Variants in EYS observed in about 807,000 individuals in gnomAD.
EYS encodes EGF-like photoreceptor maintenance factor.
EYS carries 250 observed loss-of-function variants against 282.1 expected under a neutral mutation model. The observed-to-expected ratio is 0.89, with a 90% CI of 0.80 to 0.98. The LOEUF is 0.98. EYS is among the 50% of genes least tolerant of loss of function. The pLI is 0.00. For missense variants in EYS, 4,016 were observed against 3,709.0 expected (o/e 1.08, Z -2.15); for synonymous variants, 1,355 against 1,282.9 (o/e 1.06, Z -1.20).
intron 13 of EYS, among the ~76,000 whole-genome samples, chr6:65,056,274 T>A (rs981935279): frequency 4.6e-5 from 5 of 109,070 alleles, no homozygotes; most frequent in Admixed American, 4.3e-4. Context: ...TCATGCTATA[T>A]TTCATGCTTT....
intron 22 of EYS, among the ~76,000 whole-genome samples, chr6:64,682,680 G>C (rs1769942355): frequency 6.6e-6 from 1 of 152,176 alleles, no homozygotes; most frequent in South Asian, 2.1e-4. Flanking sequence ...TAAGGGAGTA[G>C]TATTGAGAAA....
At chr6:64,696,331 T>C (rs888340450) in intron 22 of EYS, among the ~76,000 whole-genome samples, 5 of 152,174 alleles carry the variant, frequency 3.3e-5, no homozygotes, top group East Asian at 3.9e-4. Context: ...AAAAAGAATT[T>C]TAAAGAATAA....
intron 35 of EYS, among the ~76,000 whole-genome samples, chr6:63,975,896 C>T (rs1457313006): frequency 5.9e-5 from 9 of 151,928 alleles, no homozygotes; most frequent in Admixed American, 5.9e-4. Context: ...ATTGTGCAAG[C>T]ATCATAGAAT....
chr6:63,950,515 C>T (rs1456713318), intron 35 of EYS, among the ~76,000 whole-genome samples: 4 of 152,102 alleles, frequency 2.6e-5, no homozygotes, highest in Non-Finnish European at 4.4e-5. Flanking sequence ...ACTCAGCCCA[C>T]CTGCACCCAG....
chr6:63,930,288 C>CA (rs751147435), intron 35 of EYS, among the ~76,000 whole-genome samples: 1 of 145,478 alleles, frequency 6.9e-6, no homozygotes, highest in African/African-American at 2.5e-5. Context: ...CCACCCCCCC[C>CA]ACCCAAAAAC....
intron 5 of EYS, among the ~76,000 whole-genome samples, chr6:65,462,453 G>A (rs1329590115): frequency 6.6e-6 from 1 of 151,950 alleles, no homozygotes; most frequent in South Asian, 2.1e-4. Flanking sequence ...TCAATTTTGG[G>A]TATGCTCCTT....
chr6:65,688,923 G>C (rs920785022), intron 1 of EYS, among the ~76,000 whole-genome samples: 1 of 151,814 alleles, frequency 6.6e-6, no homozygotes, highest in South Asian at 2.1e-4. Context: ...TACACTGTTG[G>C]TGGGACTGTA....
Position 64,591,330 on chromosome 6 carries a change from G to A in EYS, c.4537C>T (p.Leu1513=). 1 of 1,551,380 alleles carries A rather than the reference G, an allele frequency of 6.4e-7. No homozygotes were observed. The highest frequency in any genetic ancestry group is 8.7e-7 in the Non-Finnish European group (1 of 1,146,798). The part of the protein sequence containing the change: ...KQVTILNSSA[L]HRFSTKAFNP... ...AAGGCTTTTGTACTGAACCGGTGCAGAGCTGATGAGTTTAAGATGGTTACC... is the reference window on the plus strand; with the variant it reads ...AAGGCTTTTGTACTGAACCGGTGCAAAGCTGATGAGTTTAAGATGGTTACC... The change falls in exon 26 of 43, where the codon CTG becomes TTG. Residue 1513 remains leucine (L), a synonymous_variant. Coordinates refer to ENST00000503581, the MANE Select transcript of EYS (RefSeq NM_001142800.2).
At chr6:64,097,491 T>G (rs550619429) in intron 31 of EYS, among the ~76,000 whole-genome samples, 1 of 152,260 alleles carries the variant, frequency 6.6e-6, no homozygotes, top group African/African-American at 2.4e-5. Context: ...ACCTTGCAGT[T>G]TGATCTCAGA....
intron 29 of EYS, among the ~76,000 whole-genome samples, chr6:64,345,557 G>A (rs1014354322): frequency 2.0e-5 from 3 of 151,922 alleles, no homozygotes; most frequent in Admixed American, 6.6e-5. Context: ...AATTCAAGAT[G>A]GATTAAAGAC....
intron 26 of EYS, among the ~76,000 whole-genome samples, chr6:64,533,343 A>G (rs560564625): frequency 2.6e-5 from 4 of 152,326 alleles, no homozygotes; most frequent in South Asian, 2.1e-4. Flanking sequence ...GCATAAATCT[A>G]TAGTTCTGAG....
intron 42 of EYS, among the ~76,000 whole-genome samples, chr6:63,723,268 GC>G (rs796417270): frequency 6.6e-6 from 1 of 152,156 alleles, no homozygotes; most frequent in African/African-American, 2.4e-5. Flanking sequence ...GGAAAGAGAA[GC>G]AACATTATAA....
chr6:64,491,830 C>G (rs995251054), intron 26 of EYS, among the ~76,000 whole-genome samples: 1 of 150,030 alleles, frequency 6.7e-6, no homozygotes, highest in Non-Finnish European at 1.5e-5. Flanking sequence ...TTATTCTTCT[C>G]TCTGTTAATG....
At position 64,690,316 on chromosome 6, in the gene EYS, A is replaced by C. The variant is rs553251011; in HGVS notation, c.3444-64071T>G. 2.3e-4 allele frequency among the ~76,000 whole-genome samples: 35 copies of C among 152,278 alleles called. 2 individuals are homozygous for C. The highest frequency in any genetic ancestry group is 8.4e-4 in the African/African-American group (35 of 41,570). ...CCAGTTAGAATGGTGATCATTAAAAAGTCAGGAAACAACAGGTGCTGGAGA... is the reference window on the plus strand; with the variant it reads ...CCAGTTAGAATGGTGATCATTAAAACGTCAGGAAACAACAGGTGCTGGAGA... On this transcript the variant is annotated intron_variant, in intron 22 of 42. Transcript: ENST00000503581.
At chr6:64,951,615 A>C (rs190806456) in intron 14 of EYS, among the ~76,000 whole-genome samples, 143 of 152,068 alleles carry the variant, frequency 9.4e-4, no homozygotes, top group African/African-American at 3.2e-3. Flanking sequence ...AAAATATAGA[A>C]GACAAATAGG....
intron 41 of EYS, among the ~76,000 whole-genome samples, chr6:63,757,307 C>A (rs1769514088): frequency 6.6e-6 from 1 of 151,950 alleles, no homozygotes; most frequent in African/African-American, 2.4e-5. Flanking sequence ...TCCTGCAGTA[C>A]CCTCAGGCTT....
At chr6:64,885,631 T>C (rs1007373354) in intron 19 of EYS, among the ~76,000 whole-genome samples, 45 of 151,808 alleles carry the variant, frequency 3.0e-4, no homozygotes, top group Admixed American at 1.3e-4. Context: ...TTGTATATTA[T>C]ATGTAATGAA....
intron 36 of EYS, among the ~76,000 whole-genome samples, chr6:63,836,477 A>G (rs772498537): frequency 1.3e-5 from 2 of 152,074 alleles, no homozygotes; most frequent in Non-Finnish European, 2.9e-5. Flanking sequence ...AAAAAAATTC[A>G]ATATTAGTTT....
chr6:64,685,550 G>A lies in EYS; in HGVS notation c.3444-59305C>T, dbSNP rs561980427. On this transcript the variant is annotated intron_variant, in intron 22 of 42. Transcript: ENST00000503581. ...GTTGTTTAAGAGTCTGGCACCTCCA[G>A]TCTCTCTCTTGCTTCCTCTCTTGCC... 1.4e-4 allele frequency among the ~76,000 whole-genome samples: 22 copies of A among 152,222 alleles called. No individual in the cohort carries two copies. In the East Asian group the frequency reaches 3.5e-3, roughly 24 times the overall value.
Sources: gnomAD v4.1 joint callset for allele counts (sites outside exome capture counted in the v4.1 genomes callset) on GRCh38, gnomAD v4.1.1 for gene constraint, MANE v1.5 for transcripts, NCBI Gene and HGNC (gene_info 2026-07-23, HGNC 2026-07-21) for gene names.